SLC6A3: variants seen among roughly 807,000 people sequenced by gnomAD.
SLC6A3 encodes sodium-dependent dopamine transporter.
A neutral mutation model predicts 70.4 loss-of-function variants in SLC6A3; 19 were observed. The observed-to-expected ratio is 0.27, with a 90% confidence interval of 0.19 to 0.40. The LOEUF is 0.40. Ranked by LOEUF, SLC6A3 falls within the 10% of genes least tolerant of loss-of-function variation. SLC6A3 has a pLI of 1.00. For synonymous variants in SLC6A3, 368 were observed against 356.6 expected (o/e 1.03, Z -0.36); for missense variants, 613 against 838.5 (o/e 0.73, Z 3.32).
rs1178912895 is a variant in SLC6A3, at chr5:1,411,775, T to C, written c.1157-420A>G. Among the ~76,000 whole-genome samples, 2 of 151,302 alleles carry C rather than the reference T, an allele frequency of 1.3e-5. No homozygotes were observed. Among genetic ancestry groups the C allele is most frequent in the East Asian group, 3.9e-4 (2 of 5,154 alleles). ...TGCAACATACACACTCAGACACACA[T>C]ACCATGCAACATACACACTCAGACA... On this transcript the variant is annotated intron_variant, in intron 8 of 14. Coordinates refer to ENST00000270349, the MANE Select transcript of SLC6A3 (RefSeq NM_001044.5). The surrounding 1 kb of genome is among the most constrained non-coding windows in gnomAD (Gnocchi z 6.5).
intron 6 of SLC6A3, 58 bp downstream of exon 6, chr5:1,420,511 A>C: frequency 1.2e-6 from 2 of 1,606,690 alleles, no homozygotes; most frequent in Non-Finnish European, 1.7e-6. Flanking sequence ...ATGCATATGG[A>C]AACCTGGGAA....
chr5:1,433,601 A>C (rs1756759031), intron 3 of SLC6A3, among the ~76,000 whole-genome samples: 1 of 151,684 alleles, frequency 6.6e-6, no homozygotes, highest in African/African-American at 2.4e-5. Context: ...CCATCCATCC[A>C]TCCACAGCCA....
Position 1,401,027 on chromosome 5 carries a change from A to T in SLC6A3, c.1768-41T>A, listed in dbSNP as rs1390090220. On this transcript the variant is annotated intron_variant, in intron 13 of 14. Transcript: ENST00000270349. This position sits in a 1 kb window ranked among gnomAD's most constrained non-coding sequence, Gnocchi z 6.1. ...AGTGCAGGGGTCAGTGCAGACCAGT[A>T]CCCACTGCCAGCACCCACCACTGAC... The T allele has an allele frequency of 4.1e-6, 6 of 1,457,760 alleles. No homozygotes were observed. Among genetic ancestry groups the T allele is most frequent in the Admixed American group, 1.9e-5 (1 of 53,310 alleles). 90.3% of individuals were successfully genotyped at this position (1,457,760 alleles called of 1,614,324 possible).
At position 1,437,595 on chromosome 5, in the gene SLC6A3, T is replaced by G. The variant is rs943518879; in HGVS notation, c.418+3764A>C. 6.6e-6 allele frequency among the ~76,000 whole-genome samples: 1 copy of G among 152,244 alleles called. No homozygotes were observed. Among genetic ancestry groups the G allele is most frequent in the African/African-American group, 2.4e-5 (1 of 41,468 alleles). On this transcript the variant is annotated intron_variant, in intron 3 of 14. Coordinates refer to ENST00000270349, the MANE Select transcript of SLC6A3 (RefSeq NM_001044.5). This position sits in a 1 kb window ranked among gnomAD's most constrained non-coding sequence, Gnocchi z 4.8. The stretch of plus-strand genomic sequence containing the variant: ...TCTGGCTGTGGTGCCCATCCCAAGC[T>G]GCTCTGGTGAGACTACGGGAAATGC...
intron 14 of SLC6A3, among the ~76,000 whole-genome samples, chr5:1,400,058 C>A (rs929767220): frequency 6.6e-6 from 1 of 152,186 alleles, no homozygotes; most frequent in South Asian, 2.1e-4. Context: ...GAGGTGGGGC[C>A]GCGGTGCCCT....
At chr5:1,410,688 G>A (rs1756095287) in intron 9 of SLC6A3, among the ~76,000 whole-genome samples, 1 of 152,140 alleles carries the variant, frequency 6.6e-6, no homozygotes, top group South Asian at 2.1e-4. Context: ...GGCTTCCAGG[G>A]AAAGCCACGA....
Position 1,411,439 on chromosome 5 carries a change from G to A in SLC6A3, c.1157-84C>T. ...TGCCCCACCCCGCCCCGAGAAGCAT[G>A]GCCTGCCACAGGCCTGTAGAGACTA... On this transcript the variant is annotated intron_variant, in intron 8 of 14. Transcript: ENST00000270349. The surrounding 1 kb of genome is among the most constrained non-coding windows in gnomAD (Gnocchi z 6.5). 9.9e-7 allele frequency: 1 copy of A among 1,012,538 alleles called. No individual in the cohort carries two copies. The highest frequency in any genetic ancestry group is 1.5e-6 in the Non-Finnish European group (1 of 659,996). 62.7% of individuals were successfully genotyped at this position (1,012,538 alleles called of 1,614,324 possible).
At position 1,394,371 on chromosome 5, in the gene SLC6A3, C is replaced by A; in HGVS notation, c.*364G>T. 1 of 446,316 alleles carries A rather than the reference C, an allele frequency of 2.2e-6. No homozygotes were observed. Among genetic ancestry groups the A allele is most frequent in the South Asian group, 2.4e-5 (1 of 41,574 alleles). 27.6% of individuals were successfully genotyped at this position (446,316 alleles called of 1,614,324 possible). On this transcript the variant is annotated 3_prime_UTR_variant, in exon 15 of 15. Coordinates refer to ENST00000270349, the MANE Select transcript of SLC6A3 (RefSeq NM_001044.5). The surrounding 1 kb of genome is among the most constrained non-coding windows in gnomAD (Gnocchi z 4.7). ...GCGTCTACAAGGATCGTGATCCCCG[C>A]CTGAGAACACAGTGCCCCTGGGGCA...
At chr5:1,431,792 G>A (rs566552516) in intron 4 of SLC6A3, among the ~76,000 whole-genome samples, 1 of 152,292 alleles carries the variant, frequency 6.6e-6, no homozygotes, top group African/African-American at 2.4e-5. Context: ...CCTGGCCAGG[G>A]CAAAGGGAGA....
rs2652514 is a variant in SLC6A3, at chr5:1,442,411, G to A, written c.286+501C>T. 0.27 allele frequency among the ~76,000 whole-genome samples: 41,059 copies of A among 151,868 alleles called. 5,740 individuals are homozygous for A. The highest frequency in any genetic ancestry group is 0.31 in the South Asian group (1,500 of 4,814). ...GAAGGGATCACCAATGTTCTTGGAC[G>A]TCCCCGGTGGCCCTGCCTCGATCTT... On this transcript the variant is annotated intron_variant, in intron 2 of 14. Transcript: ENST00000270349. The surrounding 1 kb of genome is among the most constrained non-coding windows in gnomAD (Gnocchi z 5.0).
chr5:1,408,334 G>A lies in SLC6A3; in HGVS notation c.1498+692C>T, dbSNP rs1186422409. On this transcript the variant is annotated intron_variant, in intron 11 of 14. Coordinates refer to ENST00000270349, the MANE Select transcript of SLC6A3 (RefSeq NM_001044.5). This position sits in a 1 kb window ranked among gnomAD's most constrained non-coding sequence, Gnocchi z 6.4. ...TGGGATTACAGGCGTGAGTCACCGC[G>A]CCCGGACCACACATTCATGGCGAGA... Among the ~76,000 whole-genome samples, 3 of 151,886 alleles carry A rather than the reference G, an allele frequency of 2.0e-5. No individual in the cohort carries two copies. The highest frequency in any genetic ancestry group is 2.1e-4 in the South Asian group (1 of 4,806).
intron 4 of SLC6A3, among the ~76,000 whole-genome samples, chr5:1,432,210 A>G (rs1756720630): frequency 6.6e-6 from 1 of 152,056 alleles, no homozygotes; most frequent in Non-Finnish European, 1.5e-5. Flanking sequence ...TGCCGCTGGG[A>G]GCAGCCAAGG....
At chr5:1,410,483 C>A (rs1278875910) in intron 9 of SLC6A3, among the ~76,000 whole-genome samples, 1 of 151,888 alleles carries the variant, frequency 6.6e-6, no homozygotes. Flanking sequence ...ATTCTGGGTT[C>A]TTTGGTCCCA....
rs554824350 is a variant in SLC6A3 at position 1,437,106 on chromosome 5, C to T, written c.418+4253G>A. Among the ~76,000 whole-genome samples the T allele has an allele frequency of 2.3e-4, 35 of 152,084 alleles. No homozygotes were observed. The highest frequency in any genetic ancestry group is 3.4e-3 in the Middle Eastern group (1 of 294). ...CTCTACTAAAAATACAAAAAATTAG[C>T]GGGGCGTGGTGGCACGCACCTGTAG... On this transcript the variant is annotated intron_variant, in intron 3 of 14. Coordinates refer to ENST00000270349, the MANE Select transcript of SLC6A3 (RefSeq NM_001044.5). The surrounding 1 kb of genome is among the most constrained non-coding windows in gnomAD (Gnocchi z 4.8).
chr5:1,431,878 A>G (rs1467459191), intron 4 of SLC6A3, among the ~76,000 whole-genome samples: 3 of 152,186 alleles, frequency 2.0e-5, no homozygotes, highest in African/African-American at 7.2e-5. Flanking sequence ...CAGAGACAGA[A>G]ATAAAGCCAT....
At position 1,409,705 on chromosome 5, in the gene SLC6A3, C is replaced by T. The variant is rs546537582; in HGVS notation, c.1398+16G>A. 24 of 1,612,848 alleles carry T rather than the reference C, an allele frequency of 1.5e-5. No homozygotes were observed. Among genetic ancestry groups the T allele is most frequent in the Middle Eastern group, 1.6e-4 (1 of 6,062 alleles). On this transcript the variant is annotated intron_variant, in intron 10 of 14. Coordinates refer to ENST00000270349, the MANE Select transcript of SLC6A3 (RefSeq NM_001044.5). ...AGACATGACCAGGAGAAGGCGAAGC[C>T]GGCGATGGTACGTACGTTGGTGACG... is the stretch of plus-strand genomic sequence containing the variant.
chr5:1,418,703 C>T (rs544998989), intron 6 of SLC6A3, among the ~76,000 whole-genome samples: 1 of 150,780 alleles, frequency 6.6e-6, no homozygotes, highest in South Asian at 2.1e-4. Flanking sequence ...CACCAATCCA[C>T]CCATCATCCA....
At chr5:1,416,555 C>G in intron 6 of SLC6A3, 1 of 342,240 alleles carries the variant, frequency 2.9e-6, no homozygotes, top group Non-Finnish European at 5.5e-6. Flanking sequence ...TCCTAATAAC[C>G]CTCGGAACAG....
intron 6 of SLC6A3, among the ~76,000 whole-genome samples, chr5:1,419,150 A>G (rs1032186268): frequency 5.3e-5 from 8 of 150,914 alleles, no homozygotes; most frequent in Non-Finnish European, 1.0e-4. Context: ...CCATCCATCC[A>G]TCCATCATCC....
Sources: gnomAD v4.1 joint callset for allele counts (sites outside exome capture counted in the v4.1 genomes callset) on GRCh38, gnomAD v4.1.1 for gene constraint, Gnocchi (gnomAD v3.1) non-coding constraint, MANE v1.5 for transcripts, NCBI Gene and HGNC (gene_info 2026-07-23, HGNC 2026-07-21) for gene names.